Variants in SYN3 observed in about 807,000 individuals in gnomAD.
The protein encoded by SYN3 is synapsin III.
In SYN3, 35 loss-of-function variants were observed where a neutral mutation model predicts 65.8. The observed-to-expected ratio is 0.53, with a 90% confidence interval of 0.41 to 0.70. SYN3 has a LOEUF of 0.70. Ranked by LOEUF, SYN3 falls within the 30% of genes least tolerant of loss-of-function variation. SYN3 has a pLI of 0.00. For missense variants in SYN3, 680 were observed against 749.0 expected (o/e 0.91, Z 1.08); for synonymous variants, 270 against 292.9 (o/e 0.92, Z 0.80).
intron 6 of SYN3, among the ~76,000 whole-genome samples, chr22:32,747,797 G>C (rs2044984067): frequency 6.6e-6 from 1 of 152,182 alleles, no homozygotes; most frequent in Non-Finnish European, 1.5e-5. Context: ...GCATGTTGTT[G>C]GCCTTGTGTC....
chr22:32,708,768 A>G (rs2060914462), intron 6 of SYN3, among the ~76,000 whole-genome samples: 1 of 152,216 alleles, frequency 6.6e-6, no homozygotes, highest in Non-Finnish European at 1.5e-5. Flanking sequence ...ACAGCCAGAG[A>G]GCACACCTTA....
chr22:32,586,067 T>A (rs1354314407), intron 7 of SYN3, among the ~76,000 whole-genome samples: 1 of 133,432 alleles, frequency 7.5e-6, no homozygotes, highest in Non-Finnish European at 1.6e-5. Flanking sequence ...TATGTATATA[T>A]GTATACATGT....
intron 3 of SYN3, among the ~76,000 whole-genome samples, chr22:32,978,150 C>T (rs2052262986): frequency 6.6e-6 from 1 of 152,132 alleles, no homozygotes; most frequent in Non-Finnish European, 1.5e-5. Context: ...GGGTGGAAAA[C>T]ATGAAGTTGT....
chr22:33,054,794 C>T (rs996257102), intron 1 of SYN3, among the ~76,000 whole-genome samples: 2 of 152,220 alleles, frequency 1.3e-5, no homozygotes, highest in African/African-American at 4.8e-5. Context: ...TGTTATACTA[C>T]ATTTTGTTTA....
At chr22:32,793,555 T>C (rs1040619027) in intron 6 of SYN3, among the ~76,000 whole-genome samples, 1 of 152,254 alleles carries the variant, frequency 6.6e-6, no homozygotes, top group Non-Finnish European at 1.5e-5. Flanking sequence ...GGAACAGTTC[T>C]ATGCCTTGTT....
intron 7 of SYN3, among the ~76,000 whole-genome samples, chr22:32,557,313 G>C (rs2058517935): frequency 6.6e-6 from 1 of 152,134 alleles, no homozygotes; most frequent in Non-Finnish European, 1.5e-5. Flanking sequence ...AAGGGGAGGG[G>C]GGATGGGTGC....
At chr22:32,611,065 T>C (rs561648052) in intron 6 of SYN3, among the ~76,000 whole-genome samples, 4 of 152,310 alleles carry the variant, frequency 2.6e-5, no homozygotes, top group African/African-American at 9.6e-5. Context: ...ATCTCAAGAA[T>C]ATGGGTAATA....
chr22:32,799,923 G>C (rs1326285916), intron 6 of SYN3, among the ~76,000 whole-genome samples: 1 of 152,174 alleles, frequency 6.6e-6, no homozygotes, highest in East Asian at 1.9e-4. Flanking sequence ...TGAAAACAGT[G>C]CTAGAAAAAC....
chr22:32,711,505 AG>A (rs1277021352), intron 6 of SYN3, among the ~76,000 whole-genome samples: 7 of 152,188 alleles, frequency 4.6e-5, no homozygotes, highest in African/African-American at 9.6e-5. Context: ...AGACAGAGAG[AG>A]GGGCAAGCAG....
At chr22:32,573,008 T>C (rs1372074189) in intron 7 of SYN3, among the ~76,000 whole-genome samples, 2 of 152,222 alleles carry the variant, frequency 1.3e-5, no homozygotes, top group Non-Finnish European at 2.9e-5. Context: ...AAGAGGTGAT[T>C]GTTAAATATT....
chr22:32,815,041 A>G (rs2047050870), intron 6 of SYN3, among the ~76,000 whole-genome samples: 3 of 152,262 alleles, frequency 2.0e-5, no homozygotes, highest in Non-Finnish European at 4.4e-5. Flanking sequence ...TTTTACACTC[A>G]TAGCATATCT....
chr22:32,958,714 G>C (rs1488115269), intron 3 of SYN3, among the ~76,000 whole-genome samples: 2 of 152,102 alleles, frequency 1.3e-5, no homozygotes, highest in Non-Finnish European at 2.9e-5. Context: ...CTTTAGAAAG[G>C]GGCACCGAGG....
At chr22:32,883,613 A>AT (rs2049205159) in intron 4 of SYN3, among the ~76,000 whole-genome samples, 1 of 152,158 alleles carries the variant, frequency 6.6e-6, no homozygotes, top group African/African-American at 2.4e-5. Context: ...GGGTTTGGAG[A>AT]TTTTTAGAAG....
intron 6 of SYN3, among the ~76,000 whole-genome samples, chr22:32,720,628 T>G (rs1288802352): frequency 1.3e-5 from 2 of 152,236 alleles, no homozygotes; most frequent in Non-Finnish European, 2.9e-5. Flanking sequence ...TTCTCACTGA[T>G]CACCACCACT....
At chr22:32,948,605 C>G (rs1420826794) in intron 3 of SYN3, among the ~76,000 whole-genome samples, 1 of 151,906 alleles carries the variant, frequency 6.6e-6, no homozygotes, top group African/African-American at 2.4e-5. Flanking sequence ...GGCGTGGTGG[C>G]GGGTGCCTGT....
chr22:32,628,651 G>C (rs1286113116), intron 6 of SYN3, among the ~76,000 whole-genome samples: 1 of 152,140 alleles, frequency 6.6e-6, no homozygotes, highest in East Asian at 1.9e-4. Flanking sequence ...CGGAGGCTGA[G>C]GCAGGAGAAC....
chr22:32,844,266 T>G (rs1281320900), intron 6 of SYN3, among the ~76,000 whole-genome samples: 1 of 152,208 alleles, frequency 6.6e-6, no homozygotes, highest in Non-Finnish European at 1.5e-5. Context: ...CCACTCTGTT[T>G]ATGCTGATGA....
chr22:32,818,007 A>G (rs1010885301), intron 6 of SYN3, among the ~76,000 whole-genome samples: 3 of 152,208 alleles, frequency 2.0e-5, no homozygotes, highest in Non-Finnish European at 4.4e-5. Flanking sequence ...TACAAATTTC[A>G]AGAGCTTCAG....
chr22:32,683,675 G>C (rs1896264274), intron 6 of SYN3, among the ~76,000 whole-genome samples: 1 of 152,124 alleles, frequency 6.6e-6, no homozygotes, highest in Non-Finnish European at 1.5e-5. Context: ...CTTCTATAAG[G>C]ACAACAGTGA....
Sources: gnomAD v4.1 joint callset for allele counts (sites outside exome capture counted in the v4.1 genomes callset) on GRCh38, gnomAD v4.1.1 for gene constraint, MANE v1.5 for transcripts, NCBI Gene and HGNC (gene_info 2026-07-23, HGNC 2026-07-21) for gene names.